The following FAM135B variants were observed in gnomAD, a reference collection of about 807,000 sequenced individuals.
FAM135B encodes family with sequence similarity 135 member B.
In FAM135B, 43 loss-of-function variants were observed where a neutral mutation model predicts 127.7. The observed-to-expected ratio is 0.34, with a 90% CI of 0.26 to 0.43. FAM135B has a LOEUF of 0.43. Ranked by LOEUF, FAM135B falls within the 20% of genes least tolerant of loss-of-function variation. FAM135B has a pLI of 1.00. For missense variants in FAM135B, 1,558 were observed against 1,725.6 expected, an observed-to-expected ratio of 0.90 and a Z score of 1.72; for synonymous variants, 670 against 665.1, an observed-to-expected ratio of 1.01 and a Z score of -0.11.
intron 2 of FAM135B, among the ~76,000 whole-genome samples, chr8:138,324,744 T>G (rs1827685774): frequency 6.6e-6 from 1 of 152,156 alleles, no homozygotes; most frequent in Non-Finnish European, 1.5e-5. Flanking sequence ...TTCTGCAACT[T>G]GTAAATTGGA....
chr8:138,151,926 C>T lies in FAM135B; in HGVS notation c.2549G>A (p.Gly850Glu), dbSNP rs370460671. Reference sequence around the variant, plus strand: ...TTGAGCATCAAACTGCTTCCCTTTCCCTTTGGGGATGTCTATGTATCCGGG... The same window carrying T: ...TTGAGCATCAAACTGCTTCCCTTTCTCTTTGGGGATGTCTATGTATCCGGG... ...QGPGYIDIPK[G>E]KGKQFDAQGH... The change falls in exon 13 of 20, where the codon GGG becomes GAG. Residue 850 changes from glycine (G) to glutamate (E), a missense_variant. Around this residue, in one of 5 missense-constraint regions of FAM135B, gnomAD observed 923 missense variants for 865.3 expected, o/e 1.07. Transcript: ENST00000395297. 9 of 1,614,058 alleles carry T rather than the reference C, an allele frequency of 5.6e-6. No homozygotes were observed. Among genetic ancestry groups the T allele is most frequent in the African/African-American group, 5.3e-5 (4 of 74,912 alleles).
At chr8:138,424,212 C>A (rs546256398) in intron 1 of FAM135B, among the ~76,000 whole-genome samples, 5 of 152,218 alleles carry the variant, frequency 3.3e-5, no homozygotes, top group African/African-American at 1.2e-4. Context: ...TAGGAAATCA[C>A]AAGGGTATTG....
chr8:138,496,529 T>C (rs1311356088), intron 1 of FAM135B, 142 bp downstream of exon 1: 1 of 152,258 alleles, frequency 6.6e-6, no homozygotes, highest in East Asian at 1.9e-4. Context: ...CTGGGGAAAA[T>C]CGAGGGAGAT....
chr8:138,142,288 C>CT lies in FAM135B; in HGVS notation c.3638+723dup, dbSNP rs71316322. On this transcript the variant is annotated intron_variant, in intron 16 of 19. Coordinates refer to ENST00000395297, the MANE Select transcript of FAM135B (RefSeq NM_015912.4). ...GGGTGGGCAACTCATTCTGCTTCTTCTTTTTTTTTTTTTTTTTTTTTTTTT... is the reference window on the plus strand; with the variant it reads ...GGGTGGGCAACTCATTCTGCTTCTTCTTTTTTTTTTTTTTTTTTTTTTTTTT... Among the ~76,000 whole-genome samples the CT allele has an allele frequency of 6.5e-3, 403 of 62,404 alleles. 15 individuals carry two copies. Among genetic ancestry groups the CT allele is most frequent in the African/African-American group, 0.011 (192 of 17,072 alleles). The allele number at this position is 62,404 out of a possible 152,430, so 40.9% of individuals were successfully genotyped here.
intron 1 of FAM135B, among the ~76,000 whole-genome samples, chr8:138,492,605 C>A (rs1256875977): frequency 1.3e-5 from 2 of 152,130 alleles, no homozygotes; most frequent in East Asian, 3.9e-4. Flanking sequence ...ATCTCCCAAG[C>A]CTCAACGGAC....
intron 1 of FAM135B, among the ~76,000 whole-genome samples, chr8:138,377,197 C>A (rs1042088006): frequency 1.3e-5 from 2 of 152,104 alleles, no homozygotes; most frequent in Admixed American, 6.5e-5. Context: ...ATAATTTGAT[C>A]TAACTATATA....
chr8:138,186,217 CT>C (rs1275855058), intron 9 of FAM135B, among the ~76,000 whole-genome samples: 1 of 152,214 alleles, frequency 6.6e-6, no homozygotes, highest in Admixed American at 6.5e-5. Flanking sequence ...CAGGGTCCAC[CT>C]TATCTGTGAA....
At chr8:138,363,837 A>G (rs1468973333) in intron 2 of FAM135B, among the ~76,000 whole-genome samples, 1 of 152,180 alleles carries the variant, frequency 6.6e-6, no homozygotes, top group Non-Finnish European at 1.5e-5. Flanking sequence ...GAGCTGCAAC[A>G]TTTGGATGGA....
At chr8:138,390,971 A>G (rs1471997063) in intron 1 of FAM135B, among the ~76,000 whole-genome samples, 1 of 152,100 alleles carries the variant, frequency 6.6e-6, no homozygotes, top group Non-Finnish European at 1.5e-5. Flanking sequence ...GGGAAAGCAA[A>G]AGTTTCCAGG....
chr8:138,447,874 G>C (rs1292831176), intron 1 of FAM135B, among the ~76,000 whole-genome samples: 1 of 151,762 alleles, frequency 6.6e-6, no homozygotes, highest in Non-Finnish European at 1.5e-5. Context: ...AAGGGACAGA[G>C]TGCTGGGGAA....
At chr8:138,295,201 C>T (rs893119166) in intron 3 of FAM135B, among the ~76,000 whole-genome samples, 3 of 137,720 alleles carry the variant, frequency 2.2e-5, no homozygotes, top group Non-Finnish European at 3.0e-5. Flanking sequence ...CTCATAAAGA[C>T]TCCTACTGAG....
chr8:138,146,616 G>A (rs759867530), intron 14 of FAM135B, among the ~76,000 whole-genome samples: 1 of 152,026 alleles, frequency 6.6e-6, no homozygotes, highest in Non-Finnish European at 1.5e-5. Flanking sequence ...TGGCCATCGG[G>A]GCAGAGGAAT....
At chr8:138,340,990 G>C (rs1829009436) in intron 2 of FAM135B, among the ~76,000 whole-genome samples, 1 of 152,148 alleles carries the variant, frequency 6.6e-6, no homozygotes, top group East Asian at 1.9e-4. Context: ...CTGTCTCACT[G>C]TCTAGTACTC....
Position 138,141,154 on chromosome 8 carries a change from C to T in FAM135B, c.3790+44G>A, listed in dbSNP as rs2130590564. On this transcript the variant is annotated intron_variant, in intron 17 of 19. Transcript: ENST00000395297. The surrounding 1 kb of genome is among the most constrained non-coding windows in gnomAD (Gnocchi z 4.7). ...GTGCCCGGTTTCACGCCCCAGAGGC[C>T]CCAGATTAATTCTGAGGAATGACGA... 6.2e-7 allele frequency: 1 copy of T among 1,601,706 alleles called. No individual in the cohort carries two copies. Among genetic ancestry groups the T allele is most frequent in the Non-Finnish European group, 8.5e-7 (1 of 1,170,956 alleles).
intron 3 of FAM135B, among the ~76,000 whole-genome samples, chr8:138,274,361 G>C (rs1265827009): frequency 6.6e-6 from 1 of 152,188 alleles, no homozygotes; most frequent in Non-Finnish European, 1.5e-5. Context: ...TTATTAGGGA[G>C]TTTCAAAAGG....
chr8:138,146,386 C>A (rs1183686277), intron 14 of FAM135B, among the ~76,000 whole-genome samples: 1 of 152,150 alleles, frequency 6.6e-6, no homozygotes, highest in African/African-American at 2.4e-5. Flanking sequence ...ATTTTGCAAG[C>A]AGTTCTTTCG....
At chr8:138,407,928 A>T (rs190141117) in intron 1 of FAM135B, among the ~76,000 whole-genome samples, 1 of 152,326 alleles carries the variant, frequency 6.6e-6, no homozygotes, top group East Asian at 1.9e-4. Flanking sequence ...ATATTCTTAG[A>T]GGAATCTTTT....
chr8:138,468,980 G>T (rs1308645024), intron 1 of FAM135B, among the ~76,000 whole-genome samples: 1 of 152,082 alleles, frequency 6.6e-6, no homozygotes, highest in Admixed American at 6.5e-5. Flanking sequence ...GGAGGCGGAG[G>T]TTGCAGTGAG....
intron 7 of FAM135B, among the ~76,000 whole-genome samples, chr8:138,235,180 C>T (rs569376488): frequency 6.4e-4 from 97 of 152,272 alleles, no homozygotes; most frequent in South Asian, 3.9e-3. Context: ...ATGTAAGTCT[C>T]TATCTCCTCA....
Sources: allele counts gnomAD v4.1 joint callset (sites outside exome capture counted in the v4.1 genomes callset), GRCh38; gene constraint gnomAD v4.1.1; regional missense constraint gnomAD v4.1.1; non-coding constraint Gnocchi (gnomAD v3.1); transcripts MANE v1.5; gene names NCBI Gene and HGNC (gene_info 2026-07-23, HGNC 2026-07-21).